The following BCAS3 variants were observed in gnomAD, a reference collection of about 807,000 sequenced individuals.
BCAS3 encodes the protein BCAS4/BCAS3 fusion.
In BCAS3, 53 loss-of-function variants were observed where a neutral mutation model predicts 116.1. That is an observed-to-expected ratio of 0.46 (90% CI 0.37 to 0.57). The LOEUF is 0.57. BCAS3 is among the 20% of genes least tolerant of loss of function. The pLI is 0.00. For missense variants in BCAS3, 917 were observed against 1,165.4 expected, an observed-to-expected ratio of 0.79 and a Z score of 3.10; for synonymous variants, 391 against 408.2, an observed-to-expected ratio of 0.96 and a Z score of 0.51.
At chr17:61,252,484 G>A (rs913012987) in intron 22 of BCAS3, among the ~76,000 whole-genome samples, 2 of 152,020 alleles carry the variant, frequency 1.3e-5, no homozygotes, top group African/African-American at 2.4e-5. Flanking sequence ...AGCTTGGCAC[G>A]GCTGCTTTCA....
chr17:61,056,592 T>C lies in BCAS3; in HGVS notation c.2029+15700T>C, dbSNP rs1285723421. Among the ~76,000 whole-genome samples the C allele has an allele frequency of 6.6e-6, 1 of 152,168 alleles. No homozygotes were observed. Among genetic ancestry groups the C allele is most frequent in the African/African-American group, 2.4e-5 (1 of 41,448 alleles). On this transcript the variant is annotated intron_variant, in intron 19 of 23. Coordinates refer to ENST00000407086, the MANE Select transcript of BCAS3 (RefSeq NM_017679.5). The surrounding 1 kb of genome is among the most constrained non-coding windows in gnomAD (Gnocchi z 4.9). ...ACAAAGCCCTATTCCCCTTAGAACT[T>C]ACTGATGTTGTGTTTATTGTTATAT... is the stretch of plus-strand genomic sequence containing the variant.
At chr17:61,090,451 A>T (rs1283967327) in intron 22 of BCAS3, among the ~76,000 whole-genome samples, 1 of 152,216 alleles carries the variant, frequency 6.6e-6, no homozygotes, top group Non-Finnish European at 1.5e-5. Context: ...TTCAAACTCA[A>T]ATATTAAGAT....
chr17:61,085,019 ATTAAC>A (rs888190938), intron 22 of BCAS3, among the ~76,000 whole-genome samples: 1 of 152,240 alleles, frequency 6.6e-6, no homozygotes, highest in Non-Finnish European at 1.5e-5. Flanking sequence ...TTAAAAATTC[ATTAAC>A]TTAACCCTGG....
At chr17:60,811,516 G>T (rs2048817425) in intron 7 of BCAS3, 3 of 383,552 alleles carry the variant, frequency 7.8e-6, no homozygotes, top group Non-Finnish European at 1.5e-5. Context: ...GAAAAGTTCA[G>T]AGGTAAAAAA....
chr17:60,797,420 G>T (rs1013661720), intron 6 of BCAS3, among the ~76,000 whole-genome samples: 1 of 151,364 alleles, frequency 6.6e-6, no homozygotes, highest in African/African-American at 2.4e-5. Context: ...TTGCCATGTT[G>T]TCCAGGCTGG....
In BCAS3 at chr17:60,953,624, G is replaced by A. The variant is rs530037679; in HGVS notation, c.1221+6272G>A. Among the ~76,000 whole-genome samples the A allele has an allele frequency of 4.6e-5, 7 of 152,038 alleles. No individual in the cohort carries two copies. In the South Asian group the frequency reaches 1.2e-3, roughly 27 times the overall value. ...TGTTGTGATTGCTTTTGGTGTCTTT[G>A]TCATGAAACCTTTGCCAGTTCCTGT... On this transcript the variant is annotated intron_variant, in intron 14 of 23. Transcript: ENST00000407086.
intron 7 of BCAS3, among the ~76,000 whole-genome samples, chr17:60,848,960 C>A (rs1353485458): frequency 6.6e-6 from 1 of 151,810 alleles, no homozygotes; most frequent in Admixed American, 6.5e-5. Context: ...TTGAGATGAG[C>A]CAGAGGCTCA....
intron 7 of BCAS3, among the ~76,000 whole-genome samples, chr17:60,825,327 A>G (rs1157685127): frequency 6.6e-6 from 1 of 151,542 alleles, no homozygotes; most frequent in South Asian, 2.1e-4. Context: ...CATTTTGAAA[A>G]TATAGATAAT....
intron 6 of BCAS3, among the ~76,000 whole-genome samples, chr17:60,804,395 C>T (rs980015050): frequency 1.3e-5 from 2 of 151,818 alleles, no homozygotes; most frequent in African/African-American, 2.4e-5. Flanking sequence ...GCAGGAGAAT[C>T]GTTTGAACCT....
chr17:60,719,969 G>A (rs986314831), intron 5 of BCAS3, among the ~76,000 whole-genome samples: 1 of 152,118 alleles, frequency 6.6e-6, no homozygotes, highest in South Asian at 2.1e-4. Flanking sequence ...AGCAGAAATA[G>A]AATTTGATTA....
rs527368131 is a variant in BCAS3, at chr17:61,282,691, G to A, written c.2426-85636G>A. ...AAGAAGGAAGCCCATCAACACAGAG[G>A]ATTATGAATCAGACCCTTCCAGAAG... On this transcript the variant is annotated intron_variant, in intron 22 of 23. Transcript: ENST00000407086. This position sits in a 1 kb window ranked among gnomAD's most constrained non-coding sequence, Gnocchi z 5.9. Among the ~76,000 whole-genome samples, 1 of 152,232 alleles carries A rather than the reference G, an allele frequency of 6.6e-6. No homozygotes were observed.
At chr17:60,803,220 A>G (rs1187780225) in intron 6 of BCAS3, among the ~76,000 whole-genome samples, 2 of 152,182 alleles carry the variant, frequency 1.3e-5, no homozygotes, top group Non-Finnish European at 2.9e-5. Flanking sequence ...GTCTGTCTCT[A>G]GAGAGTAACC....
rs1022999946 is a variant in BCAS3 at position 61,348,375 on chromosome 17, G to A, written c.2426-19952G>A. 2.0e-5 allele frequency among the ~76,000 whole-genome samples: 3 copies of A among 152,174 alleles called. No homozygotes were observed. The highest frequency in any genetic ancestry group is 7.2e-5 in the African/African-American group (3 of 41,444). On this transcript the variant is annotated intron_variant, in intron 22 of 23. Coordinates refer to ENST00000407086, the MANE Select transcript of BCAS3 (RefSeq NM_017679.5). This position sits in a 1 kb window ranked among gnomAD's most constrained non-coding sequence, Gnocchi z 4.5. Reference sequence around the variant, plus strand: ...TGAGGGTGCTTGGTCTTACGCAGATGGTTTTGGAGCCCAGGAGAGACCTGA... The same window carrying A: ...TGAGGGTGCTTGGTCTTACGCAGATAGTTTTGGAGCCCAGGAGAGACCTGA...
At chr17:60,875,695 A>G (rs949615523) in intron 9 of BCAS3, among the ~76,000 whole-genome samples, 7 of 152,044 alleles carry the variant, frequency 4.6e-5, no homozygotes, top group Non-Finnish European at 1.0e-4. Context: ...TCAATTTTCA[A>G]TAATTTGGCC....
chr17:60,775,472 T>A (rs1362846351), intron 6 of BCAS3, among the ~76,000 whole-genome samples: 1 of 152,218 alleles, frequency 6.6e-6, no homozygotes, highest in Non-Finnish European at 1.5e-5. Context: ...TTTTGGCATC[T>A]ACTGTTTAGT....
In BCAS3 at chr17:61,311,721, T is replaced by C. The variant is rs568469732; in HGVS notation, c.2426-56606T>C. Among the ~76,000 whole-genome samples the C allele has an allele frequency of 4.6e-5, 7 of 152,136 alleles. 1 individual carries two copies. In the South Asian group the frequency reaches 1.5e-3, roughly 32 times the overall value. On this transcript the variant is annotated intron_variant, in intron 22 of 23. Transcript: ENST00000407086. ...CATCCTGGCCAACACAGTGAAACCC[T>C]GTCTCTACTAAAAATACAAAAAATT...
In BCAS3 at chr17:61,156,704, A is replaced by G. The variant is rs2077861037; in HGVS notation, c.2425+72140A>G. ...GTGGATGTGAATCCTTGGAATCCTA[A>G]TTGGCACATAACAATAATTGTTTCT... On this transcript the variant is annotated intron_variant, in intron 22 of 23. Coordinates refer to ENST00000407086, the MANE Select transcript of BCAS3 (RefSeq NM_017679.5). This position sits in a 1 kb window ranked among gnomAD's most constrained non-coding sequence, Gnocchi z 4.7. Among the ~76,000 whole-genome samples, 1 of 152,164 alleles carries G rather than the reference A, an allele frequency of 6.6e-6. No individual in the cohort carries two copies. Among genetic ancestry groups the G allele is most frequent in the African/African-American group, 2.4e-5 (1 of 41,434 alleles).
intron 11 of BCAS3, among the ~76,000 whole-genome samples, chr17:60,909,203 T>C (rs1398679115): frequency 2.0e-5 from 3 of 152,218 alleles, no homozygotes; most frequent in Admixed American, 2.0e-4. Flanking sequence ...TTATTAGTGC[T>C]AGTTTTATGG....
rs1446699564 is a variant in BCAS3, at chr17:61,004,992, A to G, written c.1487-10759A>G. Reference sequence around the variant, plus strand: ...TATTTGATAAAACCATAGATGAGGGAAAAAATACCATGACAGTACTCATAA... The same window carrying G: ...TATTTGATAAAACCATAGATGAGGGGAAAAATACCATGACAGTACTCATAA... On this transcript the variant is annotated intron_variant, in intron 15 of 23. Transcript: ENST00000407086. The surrounding 1 kb of genome is among the most constrained non-coding windows in gnomAD (Gnocchi z 4.8). Among the ~76,000 whole-genome samples the G allele has an allele frequency of 6.6e-6, 1 of 152,170 alleles. No homozygotes were observed. The highest frequency in any genetic ancestry group is 2.4e-5 in the African/African-American group (1 of 41,452).
Sources: allele counts gnomAD v4.1 joint callset (sites outside exome capture counted in the v4.1 genomes callset), GRCh38; gene constraint gnomAD v4.1.1; non-coding constraint Gnocchi (gnomAD v3.1); transcripts MANE v1.5; gene names NCBI Gene and HGNC (gene_info 2026-07-23, HGNC 2026-07-21).